The following SASH1 variants were observed in gnomAD, a reference collection of about 807,000 sequenced individuals.
The protein encoded by SASH1 is SAM and SH3 domain-containing protein 1.
Under a neutral mutation model 125.2 loss-of-function variants are expected in SASH1, and 44 were observed. That is an observed-to-expected ratio of 0.35 (90% CI 0.28 to 0.45). SASH1 has a LOEUF of 0.45. Among genes scored for constraint, SASH1 ranks in the 20% least tolerant of loss-of-function variants. The pLI, the probability that SASH1 is intolerant of heterozygous loss-of-function variation, is 1.00. For synonymous variants in SASH1, 639 were observed against 649.1 expected, an observed-to-expected ratio of 0.98 and a Z score of 0.24; for missense variants, 1,426 against 1,614.5, an observed-to-expected ratio of 0.88 and a Z score of 2.00.
rs1179165971 is a variant in SASH1 at position 148,519,522 on chromosome 6, A to G, written c.863-25A>G. On this transcript the variant is annotated intron_variant, in intron 9 of 19. Coordinates refer to ENST00000367467, the MANE Select transcript of SASH1 (RefSeq NM_015278.5). This position sits in a 1 kb window ranked among gnomAD's most constrained non-coding sequence, Gnocchi z 4.8. ...GCAAGAATGCAAAGGTGTGTTCACA[A>G]GAGACTCTGTTGGTTTCCCTCCAGG... 6.4e-7 allele frequency: 1 copy of G among 1,572,192 alleles called. No homozygotes were observed. The highest frequency in any genetic ancestry group is 1.7e-5 in the Admixed American group (1 of 59,404).
At chr6:148,355,356 A>T (rs891014701) in intron 1 of SASH1, among the ~76,000 whole-genome samples, 1 of 152,214 alleles carries the variant, frequency 6.6e-6, no homozygotes, top group African/African-American at 2.4e-5. Flanking sequence ...ATTTACTGGA[A>T]GAGCGTCATA....
chr6:148,211,053 A>T, the SASH1 span, among the ~76,000 whole-genome samples: 8 of 152,224 alleles, frequency 5.3e-5, no homozygotes, highest in African/African-American at 1.9e-4. Context: ...TGGCCCAGCC[A>T]TCCTCAACCT....
the SASH1 span, among the ~76,000 whole-genome samples, chr6:148,266,267 C>G: frequency 1.2e-3 from 177 of 152,306 alleles, 1 homozygote; most frequent in African/African-American, 4.1e-3. Context: ...CCGTGCCCAG[C>G]TCAGAAATAC....
chr6:148,274,949 A>C (rs1200364036), intron 1 of SASH1, among the ~76,000 whole-genome samples: 1 of 152,078 alleles, frequency 6.6e-6, no homozygotes, highest in Non-Finnish European at 1.5e-5. Flanking sequence ...TTACAGCCCC[A>C]TATTTGGACA....
intron 4 of SASH1, among the ~76,000 whole-genome samples, chr6:148,465,566 A>AG (rs1323252957): frequency 1.3e-5 from 2 of 148,490 alleles, no homozygotes; most frequent in Admixed American, 6.7e-5. Flanking sequence ...AAAAAAAAAA[A>AG]GACATCCCTA....
chr6:148,319,618 C>CA (rs1372260140), intron 1 of SASH1, among the ~76,000 whole-genome samples: 1 of 152,022 alleles, frequency 6.6e-6, no homozygotes, highest in African/African-American at 2.4e-5. Flanking sequence ...CGGGTTCAAG[C>CA]AATTCCCAGC....
chr6:148,272,666 A>C (rs1341731219), intron 1 of SASH1, among the ~76,000 whole-genome samples: 1 of 152,190 alleles, frequency 6.6e-6, no homozygotes, highest in Non-Finnish European at 1.5e-5. Context: ...ACTCTAAAAA[A>C]GGTTTTGTAA....
Position 148,520,126 on chromosome 6 carries a change from G to C in SASH1, c.1209+233G>C, listed in dbSNP as rs1780720374. The C allele has an allele frequency of 7.6e-6, 4 of 528,588 alleles. No individual in the cohort carries two copies. The African/African-American group carries it at 7.6e-5, about 10-fold the overall frequency. The allele number at this position is 528,588 out of a possible 1,614,324, so 32.7% of individuals were successfully genotyped here. ...AAAGGCAAAGGGGGCGGGAGCTGCG[G>C]CTTCCCCGGCAGGAGGGTGCGCGGG... On this transcript the variant is annotated intron_variant, in intron 10 of 19. Transcript: ENST00000367467.
At chr6:148,225,362 T>C in the SASH1 span, among the ~76,000 whole-genome samples, 1 of 152,184 alleles carries the variant, frequency 6.6e-6, no homozygotes, top group African/African-American at 2.4e-5. Flanking sequence ...AAAAGTGTGG[T>C]ATATGTACAC....
Position 148,546,087 on chromosome 6 carries a change from G to A in SASH1, c.3421G>A (p.Val1141Ile), listed in dbSNP as rs201934711. 6.2e-4 allele frequency: 995 copies of A among 1,614,120 alleles called. 2 individuals carry two copies. The highest frequency in any genetic ancestry group is 7.1e-4 in the Non-Finnish European group (841 of 1,180,042). ...GGACTTGGATCAGCCCGAGCGGGAC[G>A]TCGCCGCCAACATGGACCAGATCCG... ...AEDLDQPERDVAANMDQIRVK... is the reference protein window; with the variant it reads ...AEDLDQPERDIAANMDQIRVK... Residue 1141 changes from valine (V) to isoleucine (I), a missense_variant, in exon 19 of 20, where the codon GTC becomes ATC. Val to Ile is a conservative substitution (Grantham distance 29). This residue lies in a region of SASH1 where 634 missense variants were observed against 694.4 expected (regional missense o/e 0.91). Coordinates refer to ENST00000367467, the MANE Select transcript of SASH1 (RefSeq NM_015278.5).
intron 1 of SASH1, among the ~76,000 whole-genome samples, chr6:148,379,660 C>T (rs1344456743): frequency 3.3e-5 from 5 of 152,134 alleles, no homozygotes; most frequent in African/African-American, 4.8e-5. Flanking sequence ...GTATTTATTA[C>T]GTAACTGCTA....
intron 2 of SASH1, among the ~76,000 whole-genome samples, chr6:148,394,265 G>A (rs558893873): frequency 2.6e-5 from 4 of 152,182 alleles, no homozygotes; most frequent in South Asian, 4.2e-4. Flanking sequence ...GGCAAGGATC[G>A]GGTTTAGGTG....
chr6:148,269,010 A>T (rs1289571279), upstream of SASH1, among the ~76,000 whole-genome samples: 1 of 152,234 alleles, frequency 6.6e-6, no homozygotes, highest in African/African-American at 2.4e-5. Flanking sequence ...TGCATTCACC[A>T]TGCCCATTTC....
Position 148,486,936 on chromosome 6 carries a change from AATATATATATATATATATATAT to A in SASH1, c.628-641_628-620del, listed in dbSNP as rs68036618. Among the ~76,000 whole-genome samples, 500 of 62,010 alleles carry A rather than the reference AATATATATATATATATATATAT, an allele frequency of 8.1e-3. 19 individuals carry two copies. The highest frequency in any genetic ancestry group is 0.043 in the East Asian group (80 of 1,858). 40.7% of individuals were successfully genotyped at this position (62,010 alleles called of 152,430 possible). On this transcript the variant is annotated intron_variant, in intron 7 of 19. Transcript: ENST00000367467. ...AGACCCTGTCTCAACAACAACAACA[AATATATATATATATATATATAT>A]ATATATATATATATATATATATATA...
chr6:148,345,731 A>G (rs1781501101), intron 1 of SASH1, among the ~76,000 whole-genome samples: 1 of 152,216 alleles, frequency 6.6e-6, no homozygotes, highest in African/African-American at 2.4e-5. Context: ...TTTAAAATAT[A>G]AGATTTTGCA....
At chr6:148,448,115 A>AGAGAGTGTGTGTGTGTGTGT (rs374141600) in intron 4 of SASH1, among the ~76,000 whole-genome samples, 9 of 146,816 alleles carry the variant, frequency 6.1e-5, no homozygotes, top group Non-Finnish European at 1.0e-4. Flanking sequence ...CAGTGGAGAG[A>AGAGAGTGTGTGTGTGTGTGT]GTGTGTGTGT....
chr6:148,457,878 G>A (rs1336497903), intron 4 of SASH1, among the ~76,000 whole-genome samples: 1 of 152,158 alleles, frequency 6.6e-6, no homozygotes, highest in Non-Finnish European at 1.5e-5. Flanking sequence ...AAAGGGGGAA[G>A]CCCTTATAAA....
At chr6:148,257,446 C>A in the SASH1 span, among the ~76,000 whole-genome samples, 1 of 152,146 alleles carries the variant, frequency 6.6e-6, no homozygotes, top group Non-Finnish European at 1.5e-5. Flanking sequence ...GAGGCCAGAC[C>A]TCAAGTAGTC....
At chr6:148,331,229 A>G (rs1322635038) in intron 1 of SASH1, among the ~76,000 whole-genome samples, 1 of 152,248 alleles carries the variant, frequency 6.6e-6, no homozygotes, top group East Asian at 1.9e-4. Context: ...TCAGAATTAC[A>G]AGTGGCTTTA....
Sources: gnomAD v4.1 joint callset for allele counts (sites outside exome capture counted in the v4.1 genomes callset) on GRCh38, gnomAD v4.1.1 for gene constraint, gnomAD v4.1.1 regional missense constraint, Gnocchi (gnomAD v3.1) non-coding constraint, MANE v1.5 for transcripts, NCBI Gene and HGNC (gene_info 2026-07-23, HGNC 2026-07-21) for gene names.